The following PMFBP1 variants were observed in gnomAD, a reference collection of about 807,000 sequenced individuals.
The protein encoded by PMFBP1 is polyamine modulated factor 1 binding protein 1, also known as polyamine-modulated factor 1-binding protein 1.
A neutral mutation model predicts 137.8 loss-of-function variants in PMFBP1; 131 were observed. The ratio of observed to expected loss-of-function variants is 0.95; its 90% confidence interval spans 0.82 to 1.10. PMFBP1 has a LOEUF of 1.10. PMFBP1 is among the 50% of genes least tolerant of loss of function. The pLI is 0.00. For missense variants in PMFBP1, 1,199 were observed against 1,175.4 expected, an observed-to-expected ratio of 1.02 and a Z score of -0.29; for synonymous variants, 490 against 450.4, an observed-to-expected ratio of 1.09 and a Z score of -1.11.
At chr16:72,209,785 GTGACAATGAACTC>G in the PMFBP1 span, among the ~76,000 whole-genome samples, 1 of 152,174 alleles carries the variant, frequency 6.6e-6, no homozygotes, top group African/African-American at 2.4e-5. Context: ...TACACGAGAA[GTGACAATGAACTC>G]TGACAATGAA....
At chr16:72,137,629 G>A (rs2042652585) in intron 7 of PMFBP1, among the ~76,000 whole-genome samples, 1 of 152,146 alleles carries the variant, frequency 6.6e-6, no homozygotes. Context: ...CAGGCAATGG[G>A]GAGAGCTGGA....
the PMFBP1 span, among the ~76,000 whole-genome samples, chr16:72,208,255 T>C: frequency 6.6e-6 from 1 of 152,168 alleles, no homozygotes; most frequent in Non-Finnish European, 1.5e-5. Context: ...AGTTAGCTTG[T>C]GGAAGGCTAA....
the PMFBP1 span, among the ~76,000 whole-genome samples, chr16:72,242,728 G>A: frequency 8.5e-5 from 13 of 152,318 alleles, no homozygotes; most frequent in Middle Eastern, 6.8e-3. Context: ...CAAGAAATGC[G>A]TGATGGATGA....
At chr16:72,168,293 C>T (rs1463309603) in intron 2 of PMFBP1, among the ~76,000 whole-genome samples, 11 of 152,076 alleles carry the variant, frequency 7.2e-5, no homozygotes, top group Admixed American at 6.5e-4. Flanking sequence ...CAGGTGATTT[C>T]GAGAATGATG....
chr16:72,159,757 T>G (rs1351487441), intron 3 of PMFBP1, among the ~76,000 whole-genome samples: 3 of 151,944 alleles, frequency 2.0e-5, no homozygotes, highest in Non-Finnish European at 4.4e-5. Context: ...TGAAGAGCAG[T>G]ATCACAAAGG....
the PMFBP1 span, among the ~76,000 whole-genome samples, chr16:72,241,477 A>G: frequency 2.6e-5 from 4 of 152,260 alleles, no homozygotes; most frequent in Non-Finnish European, 1.5e-5. Flanking sequence ...CAGTGGGTTC[A>G]GTTAATTACC....
intron 5 of PMFBP1, among the ~76,000 whole-genome samples, chr16:72,146,759 G>C (rs958072552): frequency 1.3e-5 from 2 of 152,136 alleles, no homozygotes; most frequent in Non-Finnish European, 2.9e-5. Flanking sequence ...AATCATGAGT[G>C]AACTCCCATT....
intron 14 of PMFBP1, 70 bp downstream of exon 14, chr16:72,128,587 G>A: frequency 6.2e-7 from 1 of 1,612,960 alleles, no homozygotes; most frequent in South Asian, 1.1e-5. Flanking sequence ...GAGGAGAGGT[G>A]GGTACAGATT....
At chr16:72,195,938 TGTAA>T in the PMFBP1 span, among the ~76,000 whole-genome samples, 3 of 151,988 alleles carry the variant, frequency 2.0e-5, no homozygotes, top group East Asian at 1.9e-4. Flanking sequence ...TAGTAAAGAC[TGTAA>T]GTGTGTTAAA....
intron 2 of PMFBP1, among the ~76,000 whole-genome samples, chr16:72,166,194 G>A (rs565474118): frequency 1.3e-4 from 20 of 152,266 alleles, no homozygotes; most frequent in Admixed American, 9.2e-4. Context: ...ATCCCCATGT[G>A]TTGAGGGAGG....
chr16:72,125,503 T>C, intron 15 of PMFBP1, 98 bp from the exon 16 acceptor site: 5 of 1,353,406 alleles, frequency 3.7e-6, no homozygotes, highest in Non-Finnish European at 5.0e-6. Context: ...TCCTGTCCTC[T>C]GCCCAGGGTG....
At chr16:72,236,758 G>C in the PMFBP1 span, among the ~76,000 whole-genome samples, 1 of 152,168 alleles carries the variant, frequency 6.6e-6, no homozygotes, top group Non-Finnish European at 1.5e-5. Flanking sequence ...ACTGGCAAAA[G>C]AAAGTCTTAC....
upstream of PMFBP1, among the ~76,000 whole-genome samples, chr16:72,175,871 G>A (rs1320981114): frequency 6.6e-6 from 1 of 152,182 alleles, no homozygotes; most frequent in African/African-American, 2.4e-5. Flanking sequence ...TGAGCCCCAT[G>A]AACAGACAGG....
chr16:72,165,058 AC>A, intron 2 of PMFBP1, 142 bp from the exon 3 acceptor site: 2 of 811,450 alleles, frequency 2.5e-6, no homozygotes, highest in Non-Finnish European at 3.7e-6. Context: ...ATCCTGTGTA[AC>A]ATTTACACAG....
chr16:72,165,127 T>C (rs1208690474), intron 2 of PMFBP1, among the ~76,000 whole-genome samples: 1 of 152,204 alleles, frequency 6.6e-6, no homozygotes, highest in Non-Finnish European at 1.5e-5. Flanking sequence ...CTGATTTATA[T>C]TAATTAAATC....
At chr16:72,191,092 C>T in the PMFBP1 span, among the ~76,000 whole-genome samples, 104 of 152,250 alleles carry the variant, frequency 6.8e-4, 1 homozygote, top group African/African-American at 2.3e-3. Context: ...CAAATACATC[C>T]ATCCATCCTG....
At chr16:72,199,547 G>C in the PMFBP1 span, among the ~76,000 whole-genome samples, 1 of 151,596 alleles carries the variant, frequency 6.6e-6, no homozygotes, top group Non-Finnish European at 1.5e-5. Flanking sequence ...CCAGCTACTC[G>C]GGAGGCTGAG....
chr16:72,170,585 A>G (rs1270908640), intron 2 of PMFBP1, among the ~76,000 whole-genome samples: 4 of 151,932 alleles, frequency 2.6e-5, no homozygotes, highest in African/African-American at 9.7e-5. Context: ...GCGTGCCACC[A>G]CACCTGGCTA....
At chr16:72,211,104 C>T in the PMFBP1 span, among the ~76,000 whole-genome samples, 3 of 152,158 alleles carry the variant, frequency 2.0e-5, no homozygotes, top group African/African-American at 7.2e-5. Context: ...TAAGGGTGTG[C>T]TAGGTGCTTT....
Sources: allele counts gnomAD v4.1 joint callset (sites outside exome capture counted in the v4.1 genomes callset), GRCh38; gene constraint gnomAD v4.1.1; transcripts MANE v1.5; gene names NCBI Gene and HGNC (gene_info 2026-07-23, HGNC 2026-07-21).